GRIP1: variants seen among roughly 807,000 people sequenced by gnomAD.
GRIP1 encodes the protein glutamate receptor interacting protein 1.
A neutral mutation model predicts 129.9 loss-of-function variants in GRIP1; 45 were observed. The observed-to-expected ratio is 0.35, with a 90% CI of 0.27 to 0.44. GRIP1 has a LOEUF of 0.44. GRIP1 is among the 20% of genes least tolerant of loss of function. GRIP1 has a pLI of 1.00. For synonymous variants in GRIP1, 530 were observed against 520.8 expected, an observed-to-expected ratio of 1.02 and a Z score of -0.24; for missense variants, 1,196 against 1,396.8, an observed-to-expected ratio of 0.86 and a Z score of 2.29.
At chr12:66,789,723 C>T (rs1427516429) in intron 1 of GRIP1, among the ~76,000 whole-genome samples, 3 of 151,956 alleles carry the variant, frequency 2.0e-5, no homozygotes, top group East Asian at 1.9e-4. Context: ...CCATGCAATC[C>T]GAATTACTTC....
At chr12:66,603,000 G>A (rs576890144) in intron 1 of GRIP1, among the ~76,000 whole-genome samples, 13 of 151,190 alleles carry the variant, frequency 8.6e-5, no homozygotes, top group East Asian at 1.9e-4. Flanking sequence ...TGGGATTGCA[G>A]GTGCATGCCA....
chr12:66,623,555 A>G (rs1277476016), intron 1 of GRIP1, among the ~76,000 whole-genome samples: 1 of 152,142 alleles, frequency 6.6e-6, no homozygotes. Flanking sequence ...ATTTTTCTAA[A>G]CTTGGCTCAC....
chr12:66,807,781 G>A (rs900388041), upstream of GRIP1, among the ~76,000 whole-genome samples: 3 of 151,900 alleles, frequency 2.0e-5, no homozygotes, highest in Non-Finnish European at 4.4e-5. Context: ...AGAAATAGAT[G>A]CCGCTATGCT....
intron 1 of GRIP1, among the ~76,000 whole-genome samples, chr12:66,749,916 T>C (rs2037071910): frequency 6.6e-6 from 1 of 152,208 alleles, no homozygotes; most frequent in South Asian, 2.1e-4. Context: ...CTTAATGCCT[T>C]GCCTAATACA....
intron 1 of GRIP1, among the ~76,000 whole-genome samples, chr12:66,817,633 G>C (rs1167473886): frequency 6.6e-6 from 1 of 151,906 alleles, no homozygotes; most frequent in Non-Finnish European, 1.5e-5. Context: ...GGCTGGTCTC[G>C]AACTCCTGAC....
intron 1 of GRIP1, among the ~76,000 whole-genome samples, chr12:67,066,751 T>C (rs141663926): frequency 3.3e-5 from 5 of 151,978 alleles, no homozygotes; most frequent in Admixed American, 6.5e-5. Flanking sequence ...CTTAACACAA[T>C]TTGACCTGAA....
chr12:66,554,087 G>A (rs1390666011), intron 2 of GRIP1, among the ~76,000 whole-genome samples: 1 of 152,108 alleles, frequency 6.6e-6, no homozygotes, highest in Non-Finnish European at 1.5e-5. Context: ...GGTGGCTAAG[G>A]GAGTGCTTGC....
chr12:66,417,545 A>G (rs1292813733), intron 15 of GRIP1, among the ~76,000 whole-genome samples: 1 of 152,178 alleles, frequency 6.6e-6, no homozygotes, highest in East Asian at 1.9e-4. Flanking sequence ...GAAAAACCTG[A>G]AGACTCCACA....
chr12:66,570,450 G>A (rs1294345670), intron 2 of GRIP1, among the ~76,000 whole-genome samples: 4 of 152,166 alleles, frequency 2.6e-5, no homozygotes, highest in African/African-American at 7.2e-5. Flanking sequence ...GACCAAATAG[G>A]CATATCTCTA....
At chr12:66,480,018 G>A (rs945583325) in intron 7 of GRIP1, among the ~76,000 whole-genome samples, 4 of 152,132 alleles carry the variant, frequency 2.6e-5, no homozygotes, top group African/African-American at 9.7e-5. Flanking sequence ...ACAAGACAAG[G>A]ATGCCCTCTC....
chr12:66,570,947 G>A (rs1447175902), intron 2 of GRIP1: 1 of 152,182 alleles, frequency 6.6e-6, no homozygotes, highest in East Asian at 1.9e-4. Context: ...AGCTTTTGAA[G>A]GTTAGACAAC....
intron 1 of GRIP1, among the ~76,000 whole-genome samples, chr12:66,814,650 T>C (rs1011852330): frequency 2.0e-5 from 3 of 146,756 alleles, no homozygotes; most frequent in African/African-American, 7.6e-5. Context: ...GGGGGGAGAA[T>C]GAGTTTATAG....
chr12:66,419,549 T>C (rs990198108), intron 15 of GRIP1, among the ~76,000 whole-genome samples: 2 of 152,176 alleles, frequency 1.3e-5, no homozygotes. Flanking sequence ...TATCAAAATA[T>C]CTCTTGTATC....
At chr12:66,848,758 C>A (rs2039861353) in intron 1 of GRIP1, among the ~76,000 whole-genome samples, 1 of 152,004 alleles carries the variant, frequency 6.6e-6, no homozygotes, top group African/African-American at 2.4e-5. Flanking sequence ...TTTTGTATTT[C>A]TTTAAATGAA....
chr12:66,465,450 A>G (rs750748812), intron 7 of GRIP1, 28 bp from the exon 8 acceptor site: 1 of 1,545,968 alleles, frequency 6.5e-7, no homozygotes, highest in South Asian at 1.1e-5. Flanking sequence ...TTAGAAAACA[A>G]AACAAATAAA....
At chr12:66,737,536 C>A (rs1251773136) in intron 1 of GRIP1, among the ~76,000 whole-genome samples, 1 of 152,126 alleles carries the variant, frequency 6.6e-6, no homozygotes, top group Non-Finnish European at 1.5e-5. Flanking sequence ...TCTGCCTTGG[C>A]CTCCCAAAGT....
intron 1 of GRIP1, among the ~76,000 whole-genome samples, chr12:66,684,873 G>A (rs12314154): frequency 0.021 from 3,234 of 151,920 alleles, 121 homozygotes; most frequent in African/African-American, 0.074. Context: ...GGAACAAAAC[G>A]AAACGAAACG....
chr12:66,691,793 G>A, intron 1 of GRIP1, among the ~76,000 whole-genome samples: 1 of 152,052 alleles, frequency 6.6e-6, no homozygotes, highest in Non-Finnish European at 1.5e-5. Flanking sequence ...GTTTGCGTAG[G>A]GAAATGCAGG....
chr12:66,987,865 A>C (rs1225177725), intron 1 of GRIP1, among the ~76,000 whole-genome samples: 1 of 152,190 alleles, frequency 6.6e-6, no homozygotes, highest in Non-Finnish European at 1.5e-5. Flanking sequence ...ATGCCCGGTC[A>C]ACAGCACTAC....
Sources: allele counts gnomAD v4.1 joint callset (sites outside exome capture counted in the v4.1 genomes callset), GRCh38; gene constraint gnomAD v4.1.1; transcripts MANE v1.5; gene names NCBI Gene and HGNC (gene_info 2026-07-23, HGNC 2026-07-21).